The following ZNF747 variants were observed in gnomAD, a reference collection of about 807,000 sequenced individuals.
ZNF747 encodes zinc finger protein 747.
ZNF747 carries 14 observed loss-of-function variants against 13.4 expected under a neutral mutation model. That is an observed-to-expected ratio of 1.04 (90% CI 0.69 to 1.63). The LOEUF is 1.63. Ranked by LOEUF, ZNF747 falls within the 40% of genes most tolerant of loss-of-function variation. The pLI is 0.00. For synonymous variants in ZNF747, 212 were observed against 206.5 expected (o/e 1.03, Z -0.23); for missense variants, 532 against 477.9 (o/e 1.11, Z -1.05).
rs1268158276 is a variant in ZNF747 at position 30,532,890 on chromosome 16, T to C, written c.605A>G (p.Tyr202Cys). 5 of 1,598,580 alleles carry C rather than the reference T, an allele frequency of 3.1e-6. No individual in the cohort carries two copies. In the Admixed American group the frequency reaches 8.6e-5, roughly 28 times the overall value. Residue 202 changes from tyrosine to cysteine, a missense_variant, in exon 3 of 3, where the codon TAC becomes TGC. Physicochemically the swap from Tyr to Cys is radical, Grantham distance 194. Transcript: ENST00000693075. ...AWRSTLVEHIYSHRGEKPFHC... is the reference protein window; with the variant it reads ...AWRSTLVEHICSHRGEKPFHC... The stretch of plus-strand genomic sequence containing the variant: ...GAAGGGCTTCTCGCCCCTGTGGCTG[T>C]AAATGTGCTCCACCAGTGTGGAGCG...
rs773695573 is a variant in ZNF747, at chr16:30,534,357, C to A, written c.230-47G>T. The stretch of plus-strand genomic sequence containing the variant: ...CCCACGCTGCGAGGAGGCCGCCTGC[C>A]CGGCCCCGGGGCCCCCAACTCCACA... On this transcript the variant is annotated intron_variant, in intron 1 of 2. Coordinates refer to ENST00000693075, the MANE Select transcript of ZNF747 (RefSeq NM_001305018.2). 3.9e-6 allele frequency: 6 copies of A among 1,555,936 alleles called. No homozygotes were observed. The African/African-American group carries it at 8.2e-5, about 21-fold the overall frequency.
chr16:30,534,087 G>GAGGC, intron 2 of ZNF747, 110 bp downstream of exon 2: 1 of 1,406,222 alleles, frequency 7.1e-7, no homozygotes, highest in Non-Finnish European at 9.4e-7. Flanking sequence ...CGCAGTTGAG[G>GAGGC]AGGCAGTTCA....
intron 1 of ZNF747, 29 bp downstream of exon 1, chr16:30,534,422 G>C (rs1201726180): frequency 6.4e-7 from 1 of 1,565,628 alleles, no homozygotes; most frequent in Non-Finnish European, 8.6e-7. Flanking sequence ...TGGAGGCGCA[G>C]GGCCCAGGCA....
In ZNF747 at chr16:30,532,832, G is replaced by C. The variant is rs767532096; in HGVS notation, c.663C>G (p.His221Gln). 1.9e-6 allele frequency: 3 copies of C among 1,579,382 alleles called. No individual in the cohort carries two copies. In the African/African-American group the frequency reaches 4.0e-5, roughly 21 times the overall value. Residue 221 changes from histidine to glutamine, a missense_variant, in exon 3 of 3, where the codon CAC becomes CAG. Transcript: ENST00000693075. ...HCADCGKGFG[H>Q]ASSLSKHRAI... ...CCCGGTGTTTGCTCAGGGAGGAAGC[G>C]TGGCCGAAGCCCTTGCCGCAGTCTG...
In ZNF747 at chr16:30,532,164, TA is replaced by T; in HGVS notation, c.*334del. The T allele has an allele frequency of 2.7e-6, 1 of 366,360 alleles. No individual in the cohort carries two copies. The highest frequency in any genetic ancestry group is 5.0e-6 in the Non-Finnish European group (1 of 201,618). The allele number at this position is 366,360 out of a possible 1,614,324, so 22.7% of individuals were successfully genotyped here. A position where few individuals can be genotyped will look rare whatever the true frequency, so the allele number is the denominator to read the frequency against. On this transcript the variant is annotated 3_prime_UTR_variant, in exon 3 of 3. Transcript: ENST00000693075. ...ACTCCGTCTCAAAAAATTAAAAAAG[TA>T]AAAAGAAAAAGACAACAGAGAAAAC...
At position 30,534,481 on chromosome 16, in the gene ZNF747, G is replaced by A. The variant is rs2051427801; in HGVS notation, c.199C>T (p.Arg67Trp). 3.1e-6 allele frequency: 5 copies of A among 1,605,596 alleles called. No homozygotes were observed. Among genetic ancestry groups the A allele is most frequent in the Non-Finnish European group, 3.4e-6 (4 of 1,176,516 alleles). Residue 67 changes from arginine (R) to tryptophan (W), a missense_variant, in exon 1 of 3, where the codon CGG (arginine) becomes TGG (tryptophan). By Grantham distance (101) the Arg-to-Trp change is moderately radical. Transcript: ENST00000693075. ...GCGCCCAGGTGGCCGTAGGTCTCCC[G>A]CATCACGTCCCGGTACAGGGCCCTC... ...AQRALYRDVM[R>W]ETYGHLGALG...
In ZNF747 at chr16:30,534,656, C is replaced by T. The variant is rs1434700240; in HGVS notation, c.24G>A (p.Leu8=). The T allele has an allele frequency of 1.3e-6, 2 of 1,558,294 alleles. No individual in the cohort carries two copies. Among genetic ancestry groups the T allele is most frequent in the Admixed American group, 3.7e-5 (2 of 53,726 alleles). The change falls in exon 1 of 3, where the codon CTG becomes CTA. Residue 8 remains leucine, a synonymous_variant. Transcript: ENST00000693075. ...CCAGAGGCGGCGCCATGGGGACTGT[C>T]AGCCCCAGCGACGGATCGGTCATCT... MTDPSLG[L]TVPMAPPLAP... is the part of the protein sequence containing the mutation.
chr16:30,532,723 G>A lies in ZNF747; in HGVS notation c.772C>T (p.Arg258Cys), dbSNP rs1278537488. ...TAGGGCTTCTCGCCAGTGTGAACGC[G>A]CAGGTGAGAAGTCAGCGCCGTGCGG... is the stretch of plus-strand genomic sequence containing the variant. ...MRRTALTSHLRVHTGEKPYRC... is the reference protein window; with the variant it reads ...MRRTALTSHLCVHTGEKPYRC... Residue 258 changes from arginine to cysteine, a missense_variant, in exon 3 of 3, where the codon CGC (arginine) becomes TGC (cysteine). Physicochemically the swap from Arg to Cys is radical, Grantham distance 180. Coordinates refer to ENST00000693075, the MANE Select transcript of ZNF747 (RefSeq NM_001305018.2). The A allele has an allele frequency of 5.8e-6, 9 of 1,540,196 alleles. No homozygotes were observed. Among genetic ancestry groups the A allele is most frequent in the Non-Finnish European group, 7.0e-6 (8 of 1,146,972 alleles).
Position 30,534,544 on chromosome 16 carries a change from A to G in ZNF747, c.136T>C (p.Phe46Leu), listed in dbSNP as rs201742755. The G allele has an allele frequency of 1.3e-3, 2,095 of 1,609,216 alleles. 23 individuals are homozygous for G. The highest frequency in any genetic ancestry group is 5.9e-3 in the South Asian group (529 of 90,296). ...AGGCAGCCCCACTCCTCCCGGGAGA[A>G]GTACACGGCCACGTCGGCGAAGCTC... ...AVSFADVAVY[F>L]SREEWGCLRP... The change falls in exon 1 of 3, where the codon TTC becomes CTC. Residue 46 changes from phenylalanine (F) to leucine (L), a missense_variant. By Grantham distance (22) the Phe-to-Leu change is conservative (BLOSUM62 0). Transcript: ENST00000693075.
chr16:30,532,984 CAA>C lies in ZNF747; in HGVS notation c.509_510del (p.Phe170CysfsTer9). The C allele has an allele frequency of 1.2e-6, 2 of 1,604,928 alleles. No individual in the cohort carries two copies. Among genetic ancestry groups the C allele is most frequent in the Non-Finnish European group, 1.7e-6 (2 of 1,177,748 alleles). ...KARRRSRPRF[F>X]AHPPVPRADQ... ...TCAGCTCGGGGGACAGGGGGGTGGG[CAA>C]AAAAGCGGGGGCGACTCCGGCGCCG... On this transcript the variant is annotated frameshift_variant, in exon 3 of 3. Coordinates refer to ENST00000693075, the MANE Select transcript of ZNF747 (RefSeq NM_001305018.2). LOFTEE classifies it low-confidence loss of function (END_TRUNC).
rs1054190434 is a variant in ZNF747 at position 30,532,434 on chromosome 16, G to T, written c.*65C>A. The T allele has an allele frequency of 6.5e-6, 10 of 1,528,830 alleles. No individual in the cohort carries two copies. The highest frequency in any genetic ancestry group is 7.9e-6 in the Non-Finnish European group (9 of 1,134,944). The allele number at this position is 1,528,830 out of a possible 1,614,324, so 94.7% of individuals were successfully genotyped here. On this transcript the variant is annotated 3_prime_UTR_variant, in exon 3 of 3. Coordinates refer to ENST00000693075, the MANE Select transcript of ZNF747 (RefSeq NM_001305018.2). The stretch of plus-strand genomic sequence containing the variant: ...TGGGACCTCCCTGCAGGCCGCTGCA[G>T]AGGTTCGGGCCCCTGAGCCCATCTC...
rs377029293 is a variant in ZNF747 at position 30,533,109 on chromosome 16, G to A, written c.386C>T (p.Thr129Met). The change falls in exon 3 of 3, where the codon ACG becomes ATG. Residue 129 changes from threonine (T) to methionine (M), a missense_variant. Thr to Met is a moderately conservative substitution (Grantham distance 81). Coordinates refer to ENST00000693075, the MANE Select transcript of ZNF747 (RefSeq NM_001305018.2). ...NKEEERQREG[T>M]GALEKPDPVA... ...AGGGTCGGGCTTCTCCAGGGCTCCC[G>A]TCCCTTCCCTTTGTCTTTCCTCTTC... 109 of 1,612,362 alleles carry A rather than the reference G, an allele frequency of 6.8e-5. No individual in the cohort carries two copies. The highest frequency in any genetic ancestry group is 8.1e-5 in the Non-Finnish European group (96 of 1,180,036).
In ZNF747 at chr16:30,532,629, C is replaced by T. The variant is rs983675864; in HGVS notation, c.866G>A (p.Arg289Gln). Residue 289 changes from arginine (R) to glutamine (Q), a missense_variant, in exon 3 of 3, where the codon CGG becomes CAG. Transcript: ENST00000693075. The part of the protein sequence containing the change: ...TGMAKHQWVH[R>Q]PGGEGRRGRR... ...GCCCCTACGCCCCTCGCCCCCGGGC[C>T]GATGGACCCATTGGTGCTTGGCCAT... The T allele has an allele frequency of 3.9e-6, 6 of 1,543,758 alleles. No individual in the cohort carries two copies. Among genetic ancestry groups the T allele is most frequent in the South Asian group, 2.4e-5 (2 of 84,466 alleles).
rs771136504 is a variant in ZNF747 at position 30,532,806 on chromosome 16, G to C, written c.689C>G (p.Ala230Gly). 6.4e-7 allele frequency: 1 copy of C among 1,568,480 alleles called. No homozygotes were observed. The highest frequency in any genetic ancestry group is 1.9e-5 in the Admixed American group (1 of 53,232). Residue 230 changes from alanine (A) to glycine (G), a missense_variant, in exon 3 of 3, where the codon GCC (alanine) becomes GGC (glycine). Coordinates refer to ENST00000693075, the MANE Select transcript of ZNF747 (RefSeq NM_001305018.2). The part of the protein sequence containing the change: ...GHASSLSKHR[A>G]IHRGERPHRC... ...GTGGGGCCGCTCCCCACGATGGATG[G>C]CCCGGTGTTTGCTCAGGGAGGAAGC...
rs557641149 is a variant in ZNF747 at position 30,532,702 on chromosome 16, G to A, written c.793C>T (p.Pro265Ser). The A allele has an allele frequency of 6.5e-7, 1 of 1,538,976 alleles. No individual in the cohort carries two copies. Reference sequence around the variant, plus strand: ...CGGCCACACTGCGGGCAGCGGTAGGGCTTCTCGCCAGTGTGAACGCGCAGG... The same window carrying A: ...CGGCCACACTGCGGGCAGCGGTAGGACTTCTCGCCAGTGTGAACGCGCAGG... Reference protein sequence around the residue: ...SHLRVHTGEKPYRCPQCGRCF... With the variant: ...SHLRVHTGEKSYRCPQCGRCF... Residue 265 changes from proline to serine, a missense_variant, in exon 3 of 3, where the codon CCC (proline) becomes TCC (serine). Physicochemically the swap from Pro to Ser is moderately conservative, Grantham distance 74. Coordinates refer to ENST00000693075, the MANE Select transcript of ZNF747 (RefSeq NM_001305018.2).
chr16:30,532,605 C>G lies in ZNF747; in HGVS notation c.890G>C (p.Gly297Ala), dbSNP rs776520140. The change falls in exon 3 of 3, where the codon GGC (glycine) becomes GCC (alanine). Residue 297 changes from glycine (G) to alanine (A), a missense_variant. Physicochemically the swap from Gly to Ala is moderately conservative, Grantham distance 60. Transcript: ENST00000693075. ...CACAGACAGCCCCCCAGGGCGCCGG[C>G]CCCTACGCCCCTCGCCCCCGGGCCG... ...VHRPGGEGRR[G>A]RRPGGLSVTL... 6.4e-7 allele frequency: 1 copy of G among 1,555,630 alleles called. No individual in the cohort carries two copies. The highest frequency in any genetic ancestry group is 8.7e-7 in the Non-Finnish European group (1 of 1,153,988).
At position 30,534,856 on chromosome 16, in the gene ZNF747, A is replaced by G; in HGVS notation, c.-177T>C. The G allele has an allele frequency of 1.0e-6, 1 of 1,001,544 alleles. No individual in the cohort carries two copies. Among genetic ancestry groups the G allele is most frequent in the Non-Finnish European group, 1.4e-6 (1 of 721,976 alleles). 62.0% of individuals were successfully genotyped at this position (1,001,544 alleles called of 1,614,324 possible). ...AGAACTGGACGATGTCTTCAAATAA[A>G]ACGGCGGCAGCGCGACCTCTCGACC... On this transcript the variant is annotated 5_prime_UTR_variant, in exon 1 of 3. Coordinates refer to ENST00000693075, the MANE Select transcript of ZNF747 (RefSeq NM_001305018.2).
At chr16:30,533,604 G>C (rs1427045464) in intron 2 of ZNF747, among the ~76,000 whole-genome samples, 1 of 152,004 alleles carries the variant, frequency 6.6e-6, no homozygotes, top group Non-Finnish European at 1.5e-5. Flanking sequence ...ATGATGTGGA[G>C]GTAGAGTCAA....
chr16:30,534,468 C>T lies in ZNF747; in HGVS notation c.212G>A (p.Gly71Asp), dbSNP rs761980111. 5.0e-6 allele frequency: 8 copies of T among 1,597,686 alleles called. No individual in the cohort carries two copies. Among genetic ancestry groups the T allele is most frequent in the Non-Finnish European group, 6.0e-6 (7 of 1,172,976 alleles). The stretch of plus-strand genomic sequence containing the variant: ...GCTCTCACCGAGCGCGCCCAGGTGG[C>T]CGTAGGTCTCCCGCATCACGTCCCG... ...LYRDVMRETY[G>D]HLGALGVGGS... Residue 71 changes from glycine to aspartate, a missense_variant, in exon 1 of 3, where the codon GGC (glycine) becomes GAC (aspartate). By Grantham distance (94) the Gly-to-Asp change is moderately conservative. Transcript: ENST00000693075.
Sources: gnomAD v4.1 joint callset for allele counts (sites outside exome capture counted in the v4.1 genomes callset) on GRCh38, gnomAD v4.1.1 for gene constraint, MANE v1.5 for transcripts, NCBI Gene and HGNC (gene_info 2026-07-23, HGNC 2026-07-21) for gene names.